OR51A7: variants seen among roughly 807,000 people sequenced by gnomAD.
OR51A7 encodes the protein olfactory receptor 51A7.
For missense variants in OR51A7, 409 were observed against 374.5 expected, an observed-to-expected ratio of 1.09 and a Z score of -0.76; for synonymous variants, 143 against 135.5, an observed-to-expected ratio of 1.05 and a Z score of -0.38.
intron 1 of OR51A7, 83 bp from the exon 2 acceptor site, chr11:4,907,256 T>G: frequency 6.2e-6 from 4 of 640,234 alleles, no homozygotes; most frequent in East Asian, 2.7e-5. Flanking sequence ...TGCCTTTGAG[T>G]ATAGTATACG....
rs1483384091 is a variant in OR51A7, at chr11:4,907,333, T to C, written c.-31-6T>C. The C allele has an allele frequency of 7.1e-7, 1 of 1,405,560 alleles. No homozygotes were observed. The highest frequency in any genetic ancestry group is 1.0e-6 in the Non-Finnish European group (1 of 1,003,976). The allele number at this position is 1,405,560 out of a possible 1,614,324, so 87.1% of individuals were successfully genotyped here. A position where few individuals can be genotyped will look rare whatever the true frequency, so the allele number is the denominator to read the frequency against. On this transcript the variant is annotated splice_polypyrimidine_tract_variant and splice_region_variant and intron_variant, in intron 1 of 1. Transcript: ENST00000641490. Reference sequence around the variant, plus strand: ...GCATGACTGCTTTTCATTTATATGGTTTCAGATCCGGCTAACGAGCTCATA... The same window carrying C: ...GCATGACTGCTTTTCATTTATATGGCTTCAGATCCGGCTAACGAGCTCATA...
At chr11:4,905,477 C>T (rs1334930119) in intron 1 of OR51A7, among the ~76,000 whole-genome samples, 2 of 152,074 alleles carry the variant, frequency 1.3e-5, no homozygotes, top group East Asian at 3.9e-4. Context: ...AGTTAAGCTT[C>T]CATATAAAGG....
chr11:4,908,260 A>G lies in OR51A7; in HGVS notation c.891A>G (p.Gln297=), dbSNP rs145385072. The G allele has an allele frequency of 1.7e-5, 28 of 1,614,108 alleles. No individual in the cohort carries two copies. Among genetic ancestry groups the G allele is most frequent in the Non-Finnish European group, 2.3e-5 (27 of 1,180,016 alleles). Reference sequence around the variant, plus strand: ...TTGTGTACTGTGTAAAGACTCGACAAATCTGGGAGAAGATCTTGGGGAAGT... The same window carrying G: ...TTGTGTACTGTGTAAAGACTCGACAGATCTGGGAGAAGATCTTGGGGAAGT... ...NPIVYCVKTR[Q]IWEKILGKLL... The change falls in exon 2 of 2, where the codon CAA becomes CAG. Residue 297 remains glutamine, a synonymous_variant. Transcript: ENST00000641490.
In OR51A7 at chr11:4,908,219, C is replaced by A; in HGVS notation, c.850C>A (p.Pro284Thr). 6.2e-7 allele frequency: 1 copy of A among 1,614,124 alleles called. No individual in the cohort carries two copies. The highest frequency in any genetic ancestry group is 8.5e-7 in the Non-Finnish European group (1 of 1,180,004). The change falls in exon 2 of 2, where the codon CCC (proline) becomes ACC (threonine). Residue 284 changes from proline to threonine, a missense_variant. Coordinates refer to ENST00000641490, the MANE Select transcript of OR51A7 (RefSeq NM_001004749.2). ...TGCAGATATGTTCTTGTTGGTGCCG[C>A]CCCTTATGAACCCCATTGTGTACTG... ...LIADMFLLVP[P>T]LMNPIVYCVK... is the part of the protein sequence containing the mutation.
In OR51A7 at chr11:4,908,278, G is replaced by A. The variant is rs772473344; in HGVS notation, c.909G>A (p.Leu303=). The change falls in exon 2 of 2, where the codon TTG becomes TTA. Residue 303 remains leucine (L), a synonymous_variant. Transcript: ENST00000641490. ...VKTRQIWEKI[L]GKLLNVCGR Reference sequence around the variant, plus strand: ...CTCGACAAATCTGGGAGAAGATCTTGGGGAAGTTGCTTAATGTATGTGGGA... The same window carrying A: ...CTCGACAAATCTGGGAGAAGATCTTAGGGAAGTTGCTTAATGTATGTGGGA... The A allele has an allele frequency of 6.2e-7, 1 of 1,614,014 alleles. No homozygotes were observed. Among genetic ancestry groups the A allele is most frequent in the Non-Finnish European group, 8.5e-7 (1 of 1,179,966 alleles).
intron 1 of OR51A7, among the ~76,000 whole-genome samples, chr11:4,906,210 G>GT (rs1207185709): frequency 6.6e-6 from 1 of 152,110 alleles, no homozygotes; most frequent in East Asian, 1.9e-4. Context: ...TAACTCCAAA[G>GT]TACTTATCCA....
chr11:4,904,802 A>G (rs1398614221), intron 1 of OR51A7, among the ~76,000 whole-genome samples: 1 of 152,112 alleles, frequency 6.6e-6, no homozygotes, highest in East Asian at 1.9e-4. Context: ...CATATTTTAT[A>G]TTTCTTCCAT....
intron 1 of OR51A7, among the ~76,000 whole-genome samples, chr11:4,906,649 T>C (rs1165682829): frequency 2.0e-5 from 3 of 152,224 alleles, no homozygotes; most frequent in Non-Finnish European, 4.4e-5. Flanking sequence ...TTTCAAACTT[T>C]CTACATAAAG....
Position 4,908,023 on chromosome 11 carries a change from G to T in OR51A7, c.654G>T (p.Val218=). The T allele has an allele frequency of 6.2e-7, 1 of 1,614,112 alleles. No individual in the cohort carries two copies. Among genetic ancestry groups the T allele is most frequent in the South Asian group, 1.1e-5 (1 of 91,076 alleles). Residue 218 remains valine (V), a synonymous_variant, in exon 2 of 2, where the codon GTG becomes GTT. Coordinates refer to ENST00000641490, the MANE Select transcript of OR51A7 (RefSeq NM_001004749.2). The part of the protein sequence containing the change: ...LDLALIVLSY[V]LILKTILSIA... ...TGGCACTGATTGTTTTGTCTTATGT[G>T]CTGATCTTGAAGACTATACTCAGCA...
rs946895731 is a variant in OR51A7 at position 4,909,460 on chromosome 11, A to G, written c.*1152A>G. The G allele has an allele frequency of 2.6e-5, 4 of 152,162 alleles. No homozygotes were observed. Among genetic ancestry groups the G allele is most frequent in the Non-Finnish European group, 5.9e-5 (4 of 68,004 alleles). The allele number at this position is 152,162 out of a possible 1,614,324, so 9.4% of individuals were successfully genotyped here. On this transcript the variant is annotated 3_prime_UTR_variant, in exon 2 of 2. Transcript: ENST00000641490. ...TTGAGGATTTGGCATAGGTGACTGA[A>G]TATTCAAAAACAGGCAACTACAGAG... is the stretch of plus-strand genomic sequence containing the variant.
intron 1 of OR51A7, among the ~76,000 whole-genome samples, chr11:4,905,245 G>C (rs1272915529): frequency 5.3e-5 from 8 of 151,976 alleles, no homozygotes; most frequent in African/African-American, 1.9e-4. Context: ...ACTTACCCTG[G>C]GTTTTGCATT....
In OR51A7 at chr11:4,907,849, C is replaced by G. The variant is rs556415088; in HGVS notation, c.480C>G (p.Pro160=). 3.1e-6 allele frequency: 5 copies of G among 1,613,846 alleles called. No homozygotes were observed. The South Asian group carries it at 5.5e-5, about 18-fold the overall frequency. The part of the protein sequence containing the change: ...IRSILLVIPF[P]FTLRRLKYCQ... ...GCATTCTCTTAGTGATTCCATTTCCCTTCACCTTAAGGAGATTAAAATATT... is the reference window on the plus strand; with the variant it reads ...GCATTCTCTTAGTGATTCCATTTCCGTTCACCTTAAGGAGATTAAAATATT... The change falls in exon 2 of 2, where the codon CCC becomes CCG. Residue 160 remains proline (P), a synonymous_variant. Coordinates refer to ENST00000641490, the MANE Select transcript of OR51A7 (RefSeq NM_001004749.2).
intron 1 of OR51A7, among the ~76,000 whole-genome samples, chr11:4,904,223 A>G (rs1850847784): frequency 6.6e-6 from 1 of 152,088 alleles, no homozygotes; most frequent in African/African-American, 2.4e-5. Flanking sequence ...ACCATTGTTT[A>G]CCACATTTCA....
Position 4,908,355 on chromosome 11 carries a change from T to C in OR51A7, c.*47T>C, listed in dbSNP as rs761397378. 5 of 1,501,118 alleles carry C rather than the reference T, an allele frequency of 3.3e-6. No homozygotes were observed. The African/African-American group carries it at 5.5e-5, about 17-fold the overall frequency. The allele number at this position is 1,501,118 out of a possible 1,614,324, so 93.0% of individuals were successfully genotyped here. ...AAATTATCAACCAGTAGGCATTTAC[T>C]GTCATTTGCTATGTGCTTAATGCCA... On this transcript the variant is annotated 3_prime_UTR_variant, in exon 2 of 2. Coordinates refer to ENST00000641490, the MANE Select transcript of OR51A7 (RefSeq NM_001004749.2).
intron 1 of OR51A7, among the ~76,000 whole-genome samples, chr11:4,906,948 C>T (rs12420434): frequency 0.085 from 12,804 of 151,506 alleles, 674 homozygotes; most frequent in Non-Finnish European, 0.12. Context: ...AAATTAGCTA[C>T]GCATGGTGGT....
At chr11:4,905,769 A>G (rs916617808) in intron 1 of OR51A7, among the ~76,000 whole-genome samples, 1 of 152,106 alleles carries the variant, frequency 6.6e-6, no homozygotes, top group Non-Finnish European at 1.5e-5. Flanking sequence ...AGTTTTACCA[A>G]TTTTTACCTG....
intron 1 of OR51A7, among the ~76,000 whole-genome samples, chr11:4,905,655 A>G (rs1437024099): frequency 2.0e-5 from 3 of 152,082 alleles, no homozygotes; most frequent in African/African-American, 7.2e-5. Flanking sequence ...ATTTTTAATT[A>G]AAATTATTAA....
Position 4,907,612 on chromosome 11 carries a change from G to GT in OR51A7, c.245dup (p.Leu82PhefsTer14). On this transcript the variant is annotated frameshift_variant, in exon 2 of 2. Coordinates refer to ENST00000641490, the MANE Select transcript of OR51A7 (RefSeq NM_001004749.2). LOFTEE classifies it low-confidence loss of function (END_TRUNC). ...TGTCCCTCTCCTCCCTTCCTACCAT[G>GT]TTGAGGGTCTTCTTGTTCAATGCCA... The GT allele has an allele frequency of 6.2e-7, 1 of 1,613,958 alleles. No homozygotes were observed. Among genetic ancestry groups the GT allele is most frequent in the Non-Finnish European group, 8.5e-7 (1 of 1,179,918 alleles).
Position 4,909,155 on chromosome 11 carries a change from C to G in OR51A7, c.*847C>G, listed in dbSNP as rs1011588554. The stretch of plus-strand genomic sequence containing the variant: ...TTCCCTGCGCCTTAAAAAAAATCAG[C>G]CCCTCTAATATGTTCTTAAAAATTG... On this transcript the variant is annotated 3_prime_UTR_variant, in exon 2 of 2. Coordinates refer to ENST00000641490, the MANE Select transcript of OR51A7 (RefSeq NM_001004749.2). 6.6e-6 allele frequency: 1 copy of G among 151,950 alleles called. No homozygotes were observed. Among genetic ancestry groups the G allele is most frequent in the South Asian group, 2.1e-4 (1 of 4,816 alleles). The allele number at this position is 151,950 out of a possible 1,614,324, so 9.4% of individuals were successfully genotyped here. A position where few individuals can be genotyped will look rare whatever the true frequency, so the allele number is the denominator to read the frequency against.
Sources: allele counts gnomAD v4.1 joint callset (sites outside exome capture counted in the v4.1 genomes callset), GRCh38; gene constraint gnomAD v4.1.1; transcripts MANE v1.5; gene names NCBI Gene and HGNC (gene_info 2026-07-23, HGNC 2026-07-21).